ATP9B: variants seen among roughly 807,000 people sequenced by gnomAD.
ATP9B encodes the protein probable phospholipid-transporting ATPase IIB.
A neutral mutation model predicts 146.1 loss-of-function variants in ATP9B; 110 were observed. The observed-to-expected ratio is 0.75, with a 90% confidence interval of 0.65 to 0.88. The LOEUF (loss-of-function observed/expected upper bound fraction) is 0.88. Ranked by LOEUF, ATP9B falls within the 40% of genes least tolerant of loss-of-function variation. The pLI, the probability that ATP9B is intolerant of heterozygous loss-of-function variation, is 0.00. For synonymous variants in ATP9B, 604 were observed against 569.7 expected, an observed-to-expected ratio of 1.06 and a Z score of -0.86; for missense variants, 1,499 against 1,496.4, an observed-to-expected ratio of 1.00 and a Z score of -0.03.
intron 8 of ATP9B, among the ~76,000 whole-genome samples, chr18:79,178,800 T>A (rs2095214310): frequency 6.6e-6 from 1 of 152,238 alleles, no homozygotes; most frequent in South Asian, 2.1e-4. Context: ...TGTGCTGATG[T>A]TCATGAAACA....
rs115240032 is a variant in ATP9B, at chr18:79,163,252, C to T, written c.778+8697C>T. On this transcript the variant is annotated intron_variant, in intron 7 of 29. Transcript: ENST00000426216. ...TACTTAACTTGAGTAAAAGTAATAA[C>T]GTTGTTTTTCTCTAAGTTTAAAAAA... is the stretch of plus-strand genomic sequence containing the variant. Among the ~76,000 whole-genome samples the T allele has an allele frequency of 2.9e-3, 438 of 152,220 alleles. 2 individuals are homozygous for T. Among genetic ancestry groups the T allele is most frequent in the African/African-American group, 9.8e-3 (406 of 41,542 alleles).
intron 7 of ATP9B, among the ~76,000 whole-genome samples, chr18:79,175,497 A>G (rs1324820013): frequency 6.6e-6 from 1 of 152,028 alleles, no homozygotes; most frequent in Non-Finnish European, 1.5e-5. Flanking sequence ...CACACACAGA[A>G]GCATTTGCAT....
At chr18:79,307,452 C>T (rs1432051386) in intron 15 of ATP9B, 3 of 612,718 alleles carry the variant, frequency 4.9e-6, no homozygotes, top group Non-Finnish European at 8.3e-6. Flanking sequence ...CGCCACATCT[C>T]GGCACATCCC....
In ATP9B at chr18:79,330,074, C is replaced by G. The variant is rs780788902; in HGVS notation, c.1998C>G (p.Ile666Met). Residue 666 changes from isoleucine to methionine, a missense_variant, in exon 17 of 30, where the codon ATC becomes ATG. Physicochemically the swap from Ile to Met is conservative, Grantham distance 10. Transcript: ENST00000426216. ...MKGADVAMSP[I>M]VQYNDWLEEE... ...GCGCTGACGTGGCCATGTCTCCTAT[C>G]GTGCAGTATAATGACTGGCTGGAAG... 1 of 1,614,180 alleles carries G rather than the reference C, an allele frequency of 6.2e-7. No homozygotes were observed. The highest frequency in any genetic ancestry group is 1.1e-5 in the South Asian group (1 of 91,080).
chr18:79,200,139 C>T (rs776920705), intron 9 of ATP9B, among the ~76,000 whole-genome samples: 14 of 152,148 alleles, frequency 9.2e-5, no homozygotes, highest in Admixed American at 3.9e-4. Context: ...TTTTCACCAC[C>T]GTCACCACAA....
chr18:79,205,001 TAAG>T (rs941753613), intron 9 of ATP9B, among the ~76,000 whole-genome samples: 8 of 152,180 alleles, frequency 5.3e-5, no homozygotes, highest in African/African-American at 1.9e-4. Context: ...GCTCAGACGC[TAAG>T]GTCAGTCTTC....
chr18:79,195,686 G>A (rs2148181212), intron 9 of ATP9B, among the ~76,000 whole-genome samples: 1 of 152,280 alleles, frequency 6.6e-6, no homozygotes, highest in African/African-American at 2.4e-5. Flanking sequence ...TGAATGAGAA[G>A]GCTAACTGAA....
intron 4 of ATP9B, chr18:79,117,819 A>G (rs1467028467): frequency 6.6e-6 from 1 of 152,226 alleles, no homozygotes; most frequent in East Asian, 1.9e-4. Context: ...ACCTTCCACC[A>G]CATTAGCAGT....
intron 2 of ATP9B, among the ~76,000 whole-genome samples, chr18:79,104,799 A>G (rs1431962046): frequency 1.3e-5 from 2 of 151,538 alleles, no homozygotes; most frequent in Non-Finnish European, 2.9e-5. Flanking sequence ...GCTGGAGTGC[A>G]GTGGTGCCAT....
In ATP9B at chr18:79,342,331, G is replaced by A. The variant is rs750636267; in HGVS notation, c.2347G>A (p.Val783Met). 3.1e-5 allele frequency: 50 copies of A among 1,613,432 alleles called. 1 individual carries two copies. In the South Asian group the frequency reaches 3.5e-4, roughly 11 times the overall value. Residue 783 changes from valine (V) to methionine (M), a missense_variant, in exon 20 of 30, where the codon GTG (valine) becomes ATG (methionine). Transcript: ENST00000426216. ...ATCIAKSSHL[V>M]SRTQDIHIFR... ...CTGCATTGCCAAAAGTTCACATCTC[G>A]TGTCTAGAACACAAGATATTCATAT...
intron 6 of ATP9B, chr18:79,146,897 C>G (rs1330234785): frequency 6.6e-6 from 1 of 152,300 alleles, no homozygotes; most frequent in Admixed American, 6.5e-5. Flanking sequence ...TTCTAATGGT[C>G]TAAATACGAG....
chr18:79,249,656 T>C (rs1481081462), intron 11 of ATP9B, among the ~76,000 whole-genome samples: 1 of 152,240 alleles, frequency 6.6e-6, no homozygotes, highest in African/African-American at 2.4e-5. Context: ...CTTTATAGAA[T>C]CTGTAACTTT....
At position 79,069,410 on chromosome 18, in the gene ATP9B, C is replaced by G; in HGVS notation, c.-1C>G. The G allele has an allele frequency of 6.6e-7, 1 of 1,506,606 alleles. No individual in the cohort carries two copies. The highest frequency in any genetic ancestry group is 8.8e-7 in the Non-Finnish European group (1 of 1,131,200). 93.3% of individuals were successfully genotyped at this position (1,506,606 alleles called of 1,614,324 possible). The stretch of plus-strand genomic sequence containing the variant: ...AGGGGCGGGAAAGGGGCGGTCGGAA[C>G]ATGGCGGACCAGATCCCGCTTTACC... On this transcript the variant is annotated 5_prime_UTR_variant, in exon 1 of 30. Coordinates refer to ENST00000426216, the MANE Select transcript of ATP9B (RefSeq NM_198531.5).
intron 12 of ATP9B, among the ~76,000 whole-genome samples, chr18:79,271,938 G>A (rs1035219221): frequency 2.0e-5 from 3 of 152,120 alleles, no homozygotes; most frequent in Non-Finnish European, 4.4e-5. Context: ...ATTCTAACTG[G>A]TGTGAGATGG....
intron 25 of ATP9B, among the ~76,000 whole-genome samples, chr18:79,356,866 A>G (rs59117285): frequency 2.0e-5 from 1 of 51,040 alleles, no homozygotes; most frequent in Non-Finnish European, 4.4e-5. Context: ...CGTGTGAGGG[A>G]CCCTGTGTGA....
intron 15 of ATP9B, among the ~76,000 whole-genome samples, chr18:79,319,303 G>GC (rs978705710): frequency 1.2e-4 from 19 of 152,290 alleles, no homozygotes; most frequent in African/African-American, 4.3e-4. Flanking sequence ...AAAATAAAAT[G>GC]CCCTTGTATA....
intron 8 of ATP9B, among the ~76,000 whole-genome samples, chr18:79,177,562 T>A (rs1217936368): frequency 6.6e-6 from 1 of 152,180 alleles, no homozygotes; most frequent in Non-Finnish European, 1.5e-5. Context: ...TATTTCTTAT[T>A]TGGCTGTGTG....
chr18:79,336,683 T>A lies in ATP9B; in HGVS notation c.2084T>A (p.Leu695Ter). 1 of 1,613,866 alleles carries A rather than the reference T, an allele frequency of 6.2e-7. No homozygotes were observed. Among genetic ancestry groups the A allele is most frequent in the Non-Finnish European group, 8.5e-7 (1 of 1,179,968 alleles). Reference sequence around the variant, plus strand: ...ACCCTCGTGGTTGCAAAGAAGGCGTTGACAGAGGAGCAGTACCAGGACTTT... The same window carrying A: ...ACCCTCGTGGTTGCAAAGAAGGCGTAGACAGAGGAGCAGTACCAGGACTTT... ...LRTLVVAKKA[L>*]TEEQYQDFES... is the part of the protein sequence containing the mutation. The change falls in exon 18 of 30, where the codon TTG becomes TAG. Residue 695 changes from leucine to a stop codon, truncating the protein, a stop_gained. Coordinates refer to ENST00000426216, the MANE Select transcript of ATP9B (RefSeq NM_198531.5). LOFTEE classifies it high-confidence loss of function.
intron 1 of ATP9B, chr18:79,086,401 A>G: frequency 7.6e-6 from 1 of 131,500 alleles, no homozygotes; most frequent in South Asian, 2.5e-4. Context: ...GCACCACTGC[A>G]CTCCAGCCTG....
Sources: gnomAD v4.1 joint callset for allele counts (sites outside exome capture counted in the v4.1 genomes callset) on GRCh38, gnomAD v4.1.1 for gene constraint, MANE v1.5 for transcripts, NCBI Gene and HGNC (gene_info 2026-07-23, HGNC 2026-07-21) for gene names.